RELN: variants seen among roughly 807,000 people sequenced by gnomAD.
The protein encoded by RELN is reelin.
Under a neutral mutation model 427.6 loss-of-function variants are expected in RELN, and 108 were observed. The observed-to-expected ratio is 0.25, with a 90% confidence interval of 0.22 to 0.30. RELN has a LOEUF of 0.30. RELN is among the 10% of genes least tolerant of loss of function. The pLI is 1.00. For missense variants in RELN, 3,715 were observed against 4,302.8 expected, an observed-to-expected ratio of 0.86 and a Z score of 3.82; for synonymous variants, 1,524 against 1,513.4, an observed-to-expected ratio of 1.01 and a Z score of -0.16.
In RELN at chr7:103,524,935, T is replaced by C. The variant is rs1363153526; in HGVS notation, c.7350-1404A>G. Reference sequence around the variant, plus strand: ...TTCTACTGCATTTTACCGAAACCCCTAGTCCCCTCCTTGGCCCACAAGGTC... The same window carrying C: ...TTCTACTGCATTTTACCGAAACCCCCAGTCCCCTCCTTGGCCCACAAGGTC... On this transcript the variant is annotated intron_variant, in intron 46 of 64. Coordinates refer to ENST00000428762, the MANE Select transcript of RELN (RefSeq NM_005045.4). Among the ~76,000 whole-genome samples, 3 of 152,120 alleles carry C rather than the reference T, an allele frequency of 2.0e-5. No individual in the cohort carries two copies. The East Asian group carries it at 5.8e-4, about 29-fold the overall frequency.
chr7:103,863,112 C>G (rs539647047), intron 2 of RELN, among the ~76,000 whole-genome samples: 1 of 151,978 alleles, frequency 6.6e-6, no homozygotes, highest in Non-Finnish European at 1.5e-5. Flanking sequence ...GAGACTGAAA[C>G]GAATAAGCAA....
intron 2 of RELN, among the ~76,000 whole-genome samples, chr7:103,909,728 T>TA (rs5886286): frequency 0.7 from 50,717 of 72,154 alleles, 17,173 homozygotes; most frequent in East Asian, 0.78. Flanking sequence ...ATTAAATATA[T>TA]TTTTTAATAT....
At position 103,491,854 on chromosome 7, in the gene RELN, T is replaced by TCA. The variant is rs1465537709; in HGVS notation, c.9443+98_9443+99insTG. The TCA allele has an allele frequency of 1.7e-3, 637 of 377,332 alleles. 1 individual carries two copies. The highest frequency in any genetic ancestry group is 3.3e-3 in the South Asian group (124 of 37,956). 23.4% of individuals were successfully genotyped at this position (377,332 alleles called of 1,614,324 possible). On this transcript the variant is annotated intron_variant, in intron 58 of 64. Transcript: ENST00000428762. ...CTCTCTCTCTCTCTCTCTCTCTCTC[T>TCA]CTCACACACACACACACACACACAC...
chr7:103,519,434 A>C lies in RELN; in HGVS notation c.7751T>G (p.Leu2584Arg). 6.2e-7 allele frequency: 1 copy of C among 1,613,654 alleles called. No homozygotes were observed. Among genetic ancestry groups the C allele is most frequent in the Non-Finnish European group, 8.5e-7 (1 of 1,179,520 alleles). ...FIQFYFMYGCLITPNNRNQGV... is the reference protein window; with the variant it reads ...FIQFYFMYGCRITPNNRNQGV... ...TTGGTTACGGTTGTTTGGTGTAATCAGGCACCCATACATGAAGTAAAATTG... is the reference window on the plus strand; with the variant it reads ...TTGGTTACGGTTGTTTGGTGTAATCCGGCACCCATACATGAAGTAAAATTG... The change falls in exon 49 of 65, where the codon CTG (leucine) becomes CGG (arginine). Residue 2584 changes from leucine (L) to arginine (R), a missense_variant. Around this residue, in one of 4 missense-constraint regions of RELN, gnomAD observed 1,310 missense variants for 1,643.0 expected, o/e 0.80. Coordinates refer to ENST00000428762, the MANE Select transcript of RELN (RefSeq NM_005045.4).
intron 1 of RELN, among the ~76,000 whole-genome samples, chr7:103,925,013 C>CACAA (rs1795700065): frequency 1.9e-5 from 1 of 51,790 alleles, no homozygotes; most frequent in Admixed American, 1.7e-4. Context: ...CACACACACA[C>CACAA]ACACACACAC....
At chr7:103,912,845 T>C (rs532193612) in intron 2 of RELN, among the ~76,000 whole-genome samples, 26 of 152,286 alleles carry the variant, frequency 1.7e-4, no homozygotes, top group Middle Eastern at 3.4e-3. Context: ...TAATCCTTCA[T>C]TGAGCGACCA....
At chr7:103,641,763 TG>T (rs1288726081) in intron 16 of RELN, among the ~76,000 whole-genome samples, 1 of 152,168 alleles carries the variant, frequency 6.6e-6, no homozygotes, top group African/African-American at 2.4e-5. Context: ...CCTCCTGTCC[TG>T]TTGCTTTGAT....
chr7:103,519,223 G>T, intron 49 of RELN, 100 bp downstream of exon 49: 2 of 876,598 alleles, frequency 2.3e-6, no homozygotes, highest in Non-Finnish European at 3.9e-6. Flanking sequence ...ATCCTCTAGT[G>T]AGGCATAAGT....
At chr7:103,734,667 A>G (rs576088587) in intron 6 of RELN, among the ~76,000 whole-genome samples, 25 of 152,194 alleles carry the variant, frequency 1.6e-4, no homozygotes, top group Middle Eastern at 3.4e-3. Context: ...ACTGCATCTC[A>G]TCACTCCCTC....
At chr7:103,590,485 G>A (rs1831384667) in intron 27 of RELN, among the ~76,000 whole-genome samples, 1 of 151,952 alleles carries the variant, frequency 6.6e-6, no homozygotes, top group Admixed American at 6.6e-5. Context: ...GCTTGAACCT[G>A]GGAGGCGGAG....
At chr7:103,846,712 A>C (rs1156875039) in intron 2 of RELN, among the ~76,000 whole-genome samples, 1 of 152,232 alleles carries the variant, frequency 6.6e-6, no homozygotes, top group African/African-American at 2.4e-5. Context: ...ATCTACAAGG[A>C]ACTTAAACAA....
chr7:103,972,527 G>T (rs543122563), intron 1 of RELN, among the ~76,000 whole-genome samples: 1 of 152,286 alleles, frequency 6.6e-6, no homozygotes, highest in Admixed American at 6.5e-5. Flanking sequence ...CCACTGAGAA[G>T]CACTGGCAGG....
At chr7:103,973,357 A>G (rs1796803770) in intron 1 of RELN, among the ~76,000 whole-genome samples, 1 of 152,214 alleles carries the variant, frequency 6.6e-6, no homozygotes, top group South Asian at 2.1e-4. Flanking sequence ...ATTATAATCC[A>G]CAATTTAAAA....
chr7:103,771,516 G>A (rs183658277), intron 4 of RELN, among the ~76,000 whole-genome samples: 2 of 152,316 alleles, frequency 1.3e-5, no homozygotes, highest in Admixed American at 1.3e-4. Flanking sequence ...GCCAGTGACA[G>A]GCCCCCTTCT....
At chr7:103,604,512 C>T (rs750669610) in intron 22 of RELN, 29 bp from the exon 23 acceptor site, 71 of 1,613,090 alleles carry the variant, frequency 4.4e-5, no homozygotes, top group Non-Finnish European at 5.9e-5. Flanking sequence ...ATAACAAAAA[C>T]GGTTTCAACC....
At chr7:103,570,022 G>T (rs1214914628) in intron 31 of RELN, among the ~76,000 whole-genome samples, 1 of 152,204 alleles carries the variant, frequency 6.6e-6, no homozygotes, top group Admixed American at 6.5e-5. Context: ...GAAGAGATTT[G>T]TTCAAGGATT....
chr7:103,788,052 T>C (rs1792064150), intron 3 of RELN, among the ~76,000 whole-genome samples: 1 of 151,638 alleles, frequency 6.6e-6, no homozygotes, highest in Non-Finnish European at 1.5e-5. Context: ...ATAAACGTAA[T>C]CCATCACATA....
chr7:103,876,044 T>C (rs1794469372), intron 2 of RELN, among the ~76,000 whole-genome samples: 1 of 152,150 alleles, frequency 6.6e-6, no homozygotes, highest in Non-Finnish European at 1.5e-5. Flanking sequence ...AAGTAACCAC[T>C]ATGTTCTTGT....
intron 20 of RELN, among the ~76,000 whole-genome samples, chr7:103,613,652 TA>T (rs1275345547): frequency 1.3e-5 from 2 of 152,298 alleles, no homozygotes; most frequent in African/African-American, 4.8e-5. Flanking sequence ...TAAAATCCTT[TA>T]TGAGGAAGAT....
Sources: gnomAD v4.1 joint callset for allele counts (sites outside exome capture counted in the v4.1 genomes callset) on GRCh38, gnomAD v4.1.1 for gene constraint, gnomAD v4.1.1 regional missense constraint, MANE v1.5 for transcripts, NCBI Gene and HGNC (gene_info 2026-07-23, HGNC 2026-07-21) for gene names.